The following B3GALT1 variants were observed in gnomAD, a reference collection of about 807,000 sequenced individuals.
B3GALT1 encodes the protein UDP-Gal:betaGlcNAc beta 1,3-galactosyltransferase, polypeptide 1.
B3GALT1 carries 10 observed loss-of-function variants against 23.2 expected under a neutral mutation model. The observed-to-expected ratio is 0.43, with a 90% CI of 0.27 to 0.73. The LOEUF (loss-of-function observed/expected upper bound fraction) is 0.73, where lower values mean the gene tolerates loss of function less well. Ranked by LOEUF, B3GALT1 falls within the 30% of genes least tolerant of loss-of-function variation. The pLI is 0.21. For missense variants in B3GALT1, 299 were observed against 405.4 expected, an observed-to-expected ratio of 0.74 and a Z score of 2.25; for synonymous variants, 156 against 141.5, an observed-to-expected ratio of 1.10 and a Z score of -0.73.
At chr2:167,398,902 G>A (rs1219558552) in intron 1 of B3GALT1, among the ~76,000 whole-genome samples, 1 of 152,068 alleles carries the variant, frequency 6.6e-6, no homozygotes, top group African/African-American at 2.4e-5. Flanking sequence ...CAGTCTTTAG[G>A]GATCTCGGTT....
intron 1 of B3GALT1, among the ~76,000 whole-genome samples, chr2:167,309,254 C>T (rs748463112): frequency 2.0e-5 from 3 of 151,968 alleles, no homozygotes; most frequent in African/African-American, 4.8e-5. Flanking sequence ...TTTCTTTCCT[C>T]ACATTTGTTT....
intron 4 of B3GALT1, among the ~76,000 whole-genome samples, chr2:167,831,780 G>A (rs777954612): frequency 6.6e-6 from 1 of 152,290 alleles, no homozygotes; most frequent in Non-Finnish European, 1.5e-5. Flanking sequence ...ACCTGTCTCA[G>A]GAAGAGCCCA....
chr2:167,798,009 T>C (rs1240134330), intron 3 of B3GALT1, among the ~76,000 whole-genome samples: 2 of 152,134 alleles, frequency 1.3e-5, no homozygotes, highest in African/African-American at 4.8e-5. Context: ...CGGCCCCTCA[T>C]TGTGGTTTTG....
intron 3 of B3GALT1, among the ~76,000 whole-genome samples, chr2:167,732,889 G>A (rs1455267821): frequency 6.6e-6 from 1 of 152,192 alleles, no homozygotes; most frequent in Non-Finnish European, 1.5e-5. Flanking sequence ...CACTTTGAGT[G>A]TTTACAGTAT....
chr2:167,309,386 T>A (rs1696601142), intron 1 of B3GALT1, among the ~76,000 whole-genome samples: 1 of 152,040 alleles, frequency 6.6e-6, no homozygotes, highest in Non-Finnish European at 1.5e-5. Flanking sequence ...ATAGATAATA[T>A]ACAAAAGATA....
At chr2:167,829,006 C>T (rs1243979859) in intron 4 of B3GALT1, among the ~76,000 whole-genome samples, 1 of 152,172 alleles carries the variant, frequency 6.6e-6, no homozygotes. Context: ...GAAACGTTTA[C>T]CAAAAGTACG....
intron 3 of B3GALT1, among the ~76,000 whole-genome samples, chr2:167,742,283 G>C (rs1271873221): frequency 6.6e-6 from 1 of 152,152 alleles, no homozygotes; most frequent in East Asian, 1.9e-4. Flanking sequence ...GCTGTTTCCT[G>C]CCTGATGGAT....
Position 167,774,348 on chromosome 2 carries a change from A to G in B3GALT1, c.-351-44324A>G, listed in dbSNP as rs192926187. Reference sequence around the variant, plus strand: ...TATCAAAATGAGAATATCACTGAAAACAGGTAAGATTGAAGAATCATTTTC... The same window carrying G: ...TATCAAAATGAGAATATCACTGAAAGCAGGTAAGATTGAAGAATCATTTTC... On this transcript the variant is annotated intron_variant, in intron 3 of 4. Transcript: ENST00000392690. Among the ~76,000 whole-genome samples, 394 of 152,240 alleles carry G rather than the reference A, an allele frequency of 2.6e-3. 1 individual carries two copies. The highest frequency in any genetic ancestry group is 9.4e-3 in the Admixed American group (144 of 15,294).
At chr2:167,854,789 G>A (rs16854280) in intron 4 of B3GALT1, among the ~76,000 whole-genome samples, 3,591 of 152,248 alleles carry the variant, frequency 0.024, 151 homozygotes, top group African/African-American at 0.08. Context: ...TGGCTAAACT[G>A]CCAAATCGGC....
At chr2:167,545,415 T>C (rs1023180875) in intron 2 of B3GALT1, among the ~76,000 whole-genome samples, 1 of 152,166 alleles carries the variant, frequency 6.6e-6, no homozygotes, top group Non-Finnish European at 1.5e-5. Context: ...GCTTATTTTC[T>C]ATCCTCTTGT....
intron 1 of B3GALT1, among the ~76,000 whole-genome samples, chr2:167,443,290 G>A (rs1341100666): frequency 1.3e-5 from 2 of 152,182 alleles, no homozygotes; most frequent in Non-Finnish European, 2.9e-5. Flanking sequence ...TTGTAGTATA[G>A]TTTGAAGTCA....
chr2:167,466,158 C>G (rs896473902), intron 1 of B3GALT1, among the ~76,000 whole-genome samples: 3 of 152,106 alleles, frequency 2.0e-5, no homozygotes, highest in African/African-American at 7.2e-5. Flanking sequence ...TAATAATGGC[C>G]TAGCTTCATT....
intron 3 of B3GALT1, among the ~76,000 whole-genome samples, chr2:167,741,527 A>T (rs1000279357): frequency 4.6e-5 from 7 of 152,282 alleles, no homozygotes; most frequent in African/African-American, 1.7e-4. Flanking sequence ...AATTATTTAG[A>T]ATATAATAAT....
intron 1 of B3GALT1, among the ~76,000 whole-genome samples, chr2:167,486,444 C>T (rs1315562071): frequency 6.6e-6 from 1 of 151,752 alleles, no homozygotes. Flanking sequence ...CGTATTTAGG[C>T]CGGGCACAGT....
At chr2:167,512,735 C>T (rs886382250) in intron 2 of B3GALT1, among the ~76,000 whole-genome samples, 1 of 147,054 alleles carries the variant, frequency 6.8e-6, no homozygotes, top group Non-Finnish European at 1.5e-5. Context: ...CTCATGGGCT[C>T]AAATGATCCT....
intron 2 of B3GALT1, among the ~76,000 whole-genome samples, chr2:167,609,292 T>C (rs184181323): frequency 6.6e-6 from 1 of 152,156 alleles, no homozygotes; most frequent in African/African-American, 2.4e-5. Context: ...AGCTCCCAAC[T>C]GGGGACAGTC....
chr2:167,609,461 G>A (rs938610489), intron 2 of B3GALT1, among the ~76,000 whole-genome samples: 2 of 152,114 alleles, frequency 1.3e-5, no homozygotes, highest in Non-Finnish European at 2.9e-5. Context: ...GCTCAATAGT[G>A]TCCTCAAGGT....
chr2:167,340,313 GAAAAAAAA>G (rs773710953), intron 1 of B3GALT1, among the ~76,000 whole-genome samples: 2 of 87,394 alleles, frequency 2.3e-5, no homozygotes, highest in East Asian at 8.1e-4. Context: ...GGTACAGGGA[GAAAAAAAA>G]AAAAAAAAAA....
At chr2:167,485,916 A>G (rs1467901169) in intron 1 of B3GALT1, among the ~76,000 whole-genome samples, 1 of 152,222 alleles carries the variant, frequency 6.6e-6, no homozygotes, top group Non-Finnish European at 1.5e-5. Context: ...ATTAGATACA[A>G]GCCCTGCAGA....
Sources: gnomAD v4.1 joint callset for allele counts (sites outside exome capture counted in the v4.1 genomes callset) on GRCh38, gnomAD v4.1.1 for gene constraint, MANE v1.5 for transcripts, NCBI Gene and HGNC (gene_info 2026-07-23, HGNC 2026-07-21) for gene names.